Variants in MLIP observed in about 807,000 individuals in gnomAD.
The protein encoded by MLIP is muscular LMNA-interacting protein.
In MLIP, 79 loss-of-function variants were observed where a neutral mutation model predicts 84.8. That is an observed-to-expected ratio of 0.93 (90% CI 0.78 to 1.12). The LOEUF (loss-of-function observed/expected upper bound fraction) is 1.12. Among genes scored for constraint, MLIP ranks in the 50% most tolerant of loss-of-function variants. The pLI is 0.00. For missense variants in MLIP, 1,257 were observed against 1,160.6 expected, an observed-to-expected ratio of 1.08 and a Z score of -1.21; for synonymous variants, 504 against 463.0, an observed-to-expected ratio of 1.09 and a Z score of -1.14.
At chr6:54,118,821 G>A (rs1201317864) in intron 1 of MLIP, among the ~76,000 whole-genome samples, 1 of 151,956 alleles carries the variant, frequency 6.6e-6, no homozygotes, top group African/African-American at 2.4e-5. Context: ...CAACTCAATA[G>A]CAAGACAACA....
rs1778731844 is a variant in MLIP at position 54,202,181 on chromosome 6, C to T, written c.2666C>T (p.Pro889Leu). 4 of 1,596,356 alleles carry T rather than the reference C, an allele frequency of 2.5e-6. No individual in the cohort carries two copies. The East Asian group carries it at 9.0e-5, about 36-fold the overall frequency. The change falls in exon 11 of 14, where the codon CCC becomes CTC. Residue 889 changes from proline to leucine, a missense_variant. Transcript: ENST00000502396. ...AAAAAAGAGGAGGAAGTCTATGAAC[C>T]CAACCCTTTCAGTAAATACTTGGAA... The part of the protein sequence containing the change: ...LLKKEEEVYE[P>L]NPFSKYLEDN...
chr6:54,142,142 G>A (rs1457378242), intron 4 of MLIP, among the ~76,000 whole-genome samples: 1 of 152,114 alleles, frequency 6.6e-6, no homozygotes, highest in African/African-American at 2.4e-5. Context: ...AGTTAATCTG[G>A]GTTCAAGCAA....
chr6:54,153,332 T>G (rs969317461), intron 5 of MLIP, among the ~76,000 whole-genome samples: 1 of 152,112 alleles, frequency 6.6e-6, no homozygotes, highest in Non-Finnish European at 1.5e-5. Flanking sequence ...GCCTCTTTGA[T>G]TTTTTTGTTT....
At chr6:54,242,032 T>C (rs1243925603) in intron 12 of MLIP, among the ~76,000 whole-genome samples, 4 of 152,152 alleles carry the variant, frequency 2.6e-5, no homozygotes, top group African/African-American at 9.7e-5. Flanking sequence ...ACAATAGCAA[T>C]AGAGAGCTAA....
chr6:54,078,049 C>G (rs1340922893), intron 1 of MLIP, among the ~76,000 whole-genome samples: 3 of 152,114 alleles, frequency 2.0e-5, no homozygotes, highest in African/African-American at 7.2e-5. Flanking sequence ...GTTGTATGCC[C>G]ACAAGACTTA....
chr6:54,142,008 A>G (rs190365259), intron 4 of MLIP, among the ~76,000 whole-genome samples: 3 of 152,378 alleles, frequency 2.0e-5, no homozygotes, highest in Admixed American at 2.0e-4. Flanking sequence ...ACATCAAAAC[A>G]TTCCCAAATA....
chr6:54,131,123 A>G (rs1771338959), intron 3 of MLIP, among the ~76,000 whole-genome samples: 1 of 152,222 alleles, frequency 6.6e-6, no homozygotes. Flanking sequence ...TCCGTTGTAC[A>G]ATAGCTTACC....
chr6:54,209,530 T>A (rs1269238268), intron 11 of MLIP, among the ~76,000 whole-genome samples: 1 of 152,204 alleles, frequency 6.6e-6, no homozygotes, highest in Non-Finnish European at 1.5e-5. Context: ...AAAGACTTCA[T>A]GGAAAGGGAG....
In MLIP at chr6:54,213,727, A is replaced by AAAAAC. The variant is rs1554185750; in HGVS notation, c.2718+11498_2718+11499insCAAAA. Reference sequence around the variant, plus strand: ...TGTCTCAAAAAAAAAAAAAAAAAAAAAAAAAAAAACAACAAACAGCATATC... The same window carrying AAAAAC: ...TGTCTCAAAAAAAAAAAAAAAAAAAAAAAACAAAAAAAAACAACAAACAGCATATC... On this transcript the variant is annotated intron_variant, in intron 11 of 13. Transcript: ENST00000502396. 7.7e-3 allele frequency among the ~76,000 whole-genome samples: 76 copies of AAAAAC among 9,822 alleles called. 16 individuals carry two copies. The highest frequency in any genetic ancestry group is 0.026 in the Non-Finnish European group (41 of 1,550). The allele number at this position is 9,822 out of a possible 152,430, so 6.4% of individuals were successfully genotyped here. A position where few individuals can be genotyped will look rare whatever the true frequency, so the allele number is the denominator to read the frequency against.
chr6:54,094,580 TTC>T (rs1433972722), intron 1 of MLIP, among the ~76,000 whole-genome samples: 2 of 151,540 alleles, frequency 1.3e-5, no homozygotes, highest in African/African-American at 4.8e-5. Context: ...TATATTTGTC[TTC>T]TTTCTGACTT....
At chr6:54,169,680 T>A in intron 9 of MLIP, 108 bp downstream of exon 9, 1 of 621,902 alleles carries the variant, frequency 1.6e-6, no homozygotes, top group South Asian at 4.6e-5. Flanking sequence ...TGTTTTTTTA[T>A]AAGTTGAAGG....
chr6:54,240,800 C>G (rs1021549658), intron 12 of MLIP, among the ~76,000 whole-genome samples: 1 of 152,102 alleles, frequency 6.6e-6, no homozygotes, highest in Non-Finnish European at 1.5e-5. Context: ...CATGGTGAAA[C>G]CCCATCTCTA....
chr6:54,202,867 C>T (rs1778792553), intron 11 of MLIP, among the ~76,000 whole-genome samples: 1 of 152,166 alleles, frequency 6.6e-6, no homozygotes, highest in African/African-American at 2.4e-5. Flanking sequence ...CCACTGCACT[C>T]CAGCCTGGGT....
intron 1 of MLIP, among the ~76,000 whole-genome samples, chr6:54,034,581 C>G (rs931695976): frequency 8.6e-5 from 13 of 151,824 alleles, no homozygotes; most frequent in Non-Finnish European, 1.6e-4. Context: ...TAGAAAAAAG[C>G]TTATAGACTA....
chr6:54,168,326 C>T (rs1262286319), intron 8 of MLIP, among the ~76,000 whole-genome samples: 1 of 151,738 alleles, frequency 6.6e-6, no homozygotes, highest in African/African-American at 2.4e-5. Flanking sequence ...ATTGTAGACT[C>T]CCAGCACTCT....
At position 54,137,323 on chromosome 6, in the gene MLIP, T is replaced by A; in HGVS notation, c.1254T>A (p.Thr418=). 6.5e-7 allele frequency: 1 copy of A among 1,536,044 alleles called. No individual in the cohort carries two copies. Among genetic ancestry groups the A allele is most frequent in the Non-Finnish European group, 8.7e-7 (1 of 1,146,884 alleles). ...TGCCTTCCCGGCTTGCCCTTCTCACTGCCATTCTCAAGTCAAACCCTTCCC... is the reference window on the plus strand; with the variant it reads ...TGCCTTCCCGGCTTGCCCTTCTCACAGCCATTCTCAAGTCAAACCCTTCCC... ...SPVPSRLALL[T]AILKSNPSHQ... The change falls in exon 4 of 14, where the codon ACT becomes ACA. Residue 418 remains threonine, a synonymous_variant. Transcript: ENST00000502396.
chr6:54,233,569 A>T (rs1236334431), intron 12 of MLIP, among the ~76,000 whole-genome samples: 1 of 152,122 alleles, frequency 6.6e-6, no homozygotes, highest in Non-Finnish European at 1.5e-5. Flanking sequence ...TTCTTTATCC[A>T]GTCTATCATT....
At chr6:54,251,060 C>A (rs1439515829) in intron 12 of MLIP, among the ~76,000 whole-genome samples, 6 of 151,900 alleles carry the variant, frequency 3.9e-5, no homozygotes, top group African/African-American at 1.5e-4. Context: ...AAGTGCCTGA[C>A]CTATTAGCAG....
chr6:54,189,961 A>C lies in MLIP; in HGVS notation c.2589+47A>C, dbSNP rs1393491709. 3 of 1,347,680 alleles carry C rather than the reference A, an allele frequency of 2.2e-6. No individual in the cohort carries two copies. The Admixed American group carries it at 5.2e-5, about 24-fold the overall frequency. The allele number at this position is 1,347,680 out of a possible 1,614,324, so 83.5% of individuals were successfully genotyped here. ...GATCTACTGCAAATTCTGATCTCTC[A>C]AGAGAGCTTTACCTGAGTAAAAGTG... On this transcript the variant is annotated intron_variant, in intron 10 of 13. Coordinates refer to ENST00000502396, the MANE Select transcript of MLIP (RefSeq NM_001281747.2).
Sources: gnomAD v4.1 joint callset for allele counts (sites outside exome capture counted in the v4.1 genomes callset) on GRCh38, gnomAD v4.1.1 for gene constraint, MANE v1.5 for transcripts, NCBI Gene and HGNC (gene_info 2026-07-23, HGNC 2026-07-21) for gene names.